Variants in ITPK1 observed in about 807,000 individuals in gnomAD.
ITPK1 encodes the protein inositol 1,3,4-trisphosphate 5/6-kinase.
A neutral mutation model predicts 45.3 loss-of-function variants in ITPK1; 21 were observed. The ratio of observed to expected loss-of-function variants is 0.46; its 90% CI spans 0.33 to 0.67. The LOEUF is 0.67. Among genes scored for constraint, ITPK1 ranks in the 30% least tolerant of loss-of-function variants. ITPK1 has a pLI of 0.02. For synonymous variants in ITPK1, 258 were observed against 253.6 expected (o/e 1.02, Z -0.16); for missense variants, 474 against 573.5 (o/e 0.83, Z 1.77).
At chr14:93,068,517 T>C (rs1456577670) in intron 3 of ITPK1, 1 of 152,256 alleles carries the variant, frequency 6.6e-6, no homozygotes, top group Non-Finnish European at 1.5e-5. Flanking sequence ...CGATTGTTAT[T>C]CCCAAAGCCC....
intron 5 of ITPK1, among the ~76,000 whole-genome samples, chr14:92,974,646 A>G (rs1279227852): frequency 6.6e-6 from 1 of 152,224 alleles, no homozygotes; most frequent in African/African-American, 2.4e-5. Flanking sequence ...CATCGGGCGT[A>G]AGGACACAGT....
In ITPK1 at chr14:93,016,186, A is replaced by T. The variant is rs1292815426; in HGVS notation, c.246+490T>A. 6.6e-6 allele frequency among the ~76,000 whole-genome samples: 1 copy of T among 151,932 alleles called. No individual in the cohort carries two copies. Among genetic ancestry groups the T allele is most frequent in the Non-Finnish European group, 1.5e-5 (1 of 67,978 alleles). On this transcript the variant is annotated intron_variant, in intron 4 of 10. Transcript: ENST00000267615. This position sits in a 1 kb window ranked among gnomAD's most constrained non-coding sequence, Gnocchi z 5.0. The stretch of plus-strand genomic sequence containing the variant: ...GTGGGGAGAGGGAAGCAGCCAAGGG[A>T]CTCAGCAAGATACCTCAGGCCATGC...
At chr14:93,088,786 C>G (rs1467750761) in intron 2 of ITPK1, among the ~76,000 whole-genome samples, 2 of 152,122 alleles carry the variant, frequency 1.3e-5, no homozygotes, top group Non-Finnish European at 2.9e-5. Context: ...TGTGAGCCAC[C>G]GCGCCTGGCC....
chr14:92,977,823 G>A (rs1401135169), intron 5 of ITPK1, among the ~76,000 whole-genome samples: 1 of 151,870 alleles, frequency 6.6e-6, no homozygotes, highest in Non-Finnish European at 1.5e-5. Context: ...AAATTACCCA[G>A]TCACAGGTAG....
intron 10 of ITPK1, among the ~76,000 whole-genome samples, chr14:92,943,356 G>A (rs1887526902): frequency 6.6e-6 from 1 of 152,238 alleles, no homozygotes; most frequent in South Asian, 2.1e-4. Flanking sequence ...TGAGGACCCT[G>A]AGGCTCAAGG....
Position 92,938,488 on chromosome 14 carries a change from C to T in ITPK1, c.*3073G>A, listed in dbSNP as rs375961844. 1.2e-4 allele frequency: 191 copies of T among 1,612,610 alleles called. No homozygotes were observed. Among genetic ancestry groups the T allele is most frequent in the Non-Finnish European group, 1.6e-4 (186 of 1,178,700 alleles). On this transcript the variant is annotated 3_prime_UTR_variant, in exon 11 of 11. Coordinates refer to ENST00000267615, the MANE Select transcript of ITPK1 (RefSeq NM_014216.6). ...ACATGTGACAGCTTCCTACTTCAGTCGGTCTTCCAGCCTTCTATAAAGCAC... is the reference window on the plus strand; with the variant it reads ...ACATGTGACAGCTTCCTACTTCAGTTGGTCTTCCAGCCTTCTATAAAGCAC...
intron 2 of ITPK1, among the ~76,000 whole-genome samples, chr14:93,114,069 T>TA (rs1892847088): frequency 6.6e-6 from 1 of 152,200 alleles, no homozygotes. Context: ...AAAATGCAAG[T>TA]AGAGCCCATT....
In ITPK1 at chr14:92,941,799, A is replaced by G. The variant is rs771865018; in HGVS notation, c.1007T>C (p.Leu336Pro). 10 of 1,611,142 alleles carry G rather than the reference A, an allele frequency of 6.2e-6. No homozygotes were observed. Among genetic ancestry groups the G allele is most frequent in the East Asian group, 4.5e-5 (2 of 44,864 alleles). The change falls in exon 11 of 11, where the codon CTG becomes CCG. Residue 336 changes from leucine to proline, a missense_variant. Physicochemically the swap from Leu to Pro is moderately conservative, Grantham distance 98. This residue lies in a region of ITPK1 where 367 missense variants were observed against 480.6 expected (regional missense o/e 0.76). Coordinates refer to ENST00000267615, the MANE Select transcript of ITPK1 (RefSeq NM_014216.6). Reference sequence around the variant, plus strand: ...CTCGGCCAGAAGCTTGCTGTGCCTCAGCAGGGCCACGTCCCCTGTGGCTGC... The same window carrying G: ...CTCGGCCAGAAGCTTGCTGTGCCTCGGCAGGGCCACGTCCCCTGTGGCTGC... ...AMAATGDVAL[L>P]RHSKLLAEPA...
At chr14:92,960,112 C>T (rs1290901659) in intron 7 of ITPK1, among the ~76,000 whole-genome samples, 1 of 152,228 alleles carries the variant, frequency 6.6e-6, no homozygotes, top group African/African-American at 2.4e-5. Flanking sequence ...ACAGAGAGTC[C>T]GCTGGGGTCT....
intron 2 of ITPK1, among the ~76,000 whole-genome samples, chr14:93,103,980 G>A (rs1336013273): frequency 6.6e-6 from 1 of 152,218 alleles, no homozygotes; most frequent in Non-Finnish European, 1.5e-5. Flanking sequence ...AGAGGCCCCA[G>A]GCCCTGCCTT....
chr14:93,018,067 C>T (rs1304570538), intron 3 of ITPK1, among the ~76,000 whole-genome samples: 1 of 152,170 alleles, frequency 6.6e-6, no homozygotes, highest in Non-Finnish European at 1.5e-5. Context: ...CTGCTCTGTG[C>T]CCTAGGCAGC....
At chr14:93,042,479 C>G (rs1256028539) in intron 3 of ITPK1, among the ~76,000 whole-genome samples, 1 of 152,190 alleles carries the variant, frequency 6.6e-6, no homozygotes, top group Admixed American at 6.5e-5. Flanking sequence ...AGGCTGCGAT[C>G]TCTCTAGTTT....
chr14:92,967,553 C>T (rs1469757026), intron 5 of ITPK1, among the ~76,000 whole-genome samples: 2 of 152,156 alleles, frequency 1.3e-5, no homozygotes, highest in Admixed American at 6.5e-5. Context: ...CCAGCAATTC[C>T]ACTTCTTATA....
chr14:93,098,603 A>G (rs1236009761), intron 2 of ITPK1, among the ~76,000 whole-genome samples: 2 of 152,126 alleles, frequency 1.3e-5, no homozygotes, highest in Non-Finnish European at 2.9e-5. Context: ...ATGGGTCCCA[A>G]ACTCATTTCC....
At chr14:93,022,973 T>C (rs1888546820) in intron 3 of ITPK1, among the ~76,000 whole-genome samples, 1 of 152,248 alleles carries the variant, frequency 6.6e-6, no homozygotes, top group Non-Finnish European at 1.5e-5. Flanking sequence ...AAAAGGCTGA[T>C]AAGAAAACCC....
At chr14:93,035,877 G>A (rs79136696) in intron 3 of ITPK1, among the ~76,000 whole-genome samples, 2,897 of 152,344 alleles carry the variant, frequency 0.019, 72 homozygotes, top group Admixed American at 0.081. Flanking sequence ...GCTGGGCCCA[G>A]GGCCTAGCCA....
chr14:92,946,527 C>T, intron 9 of ITPK1, 34 bp from the exon 10 acceptor site: 3 of 1,605,064 alleles, frequency 1.9e-6, no homozygotes, highest in Non-Finnish European at 1.7e-6. Context: ...AGGCCATGGG[C>T]CGAGGAGCTG....
chr14:93,021,307 T>C (rs10144329), intron 3 of ITPK1, among the ~76,000 whole-genome samples: 60,320 of 151,778 alleles, frequency 0.4, 12,064 homozygotes, highest in Non-Finnish European at 0.42. Flanking sequence ...CAGAAGGATG[T>C]TGGGGCCGGA....
At chr14:93,033,456 G>A (rs1023731797) in intron 3 of ITPK1, among the ~76,000 whole-genome samples, 20 of 152,154 alleles carry the variant, frequency 1.3e-4, no homozygotes, top group Non-Finnish European at 4.4e-5. Flanking sequence ...ACCTCCTCTG[G>A]GCCAGCCCTG....
Sources: gnomAD v4.1 joint callset for allele counts (sites outside exome capture counted in the v4.1 genomes callset) on GRCh38, gnomAD v4.1.1 for gene constraint, gnomAD v4.1.1 regional missense constraint, Gnocchi (gnomAD v3.1) non-coding constraint, MANE v1.5 for transcripts, NCBI Gene and HGNC (gene_info 2026-07-23, HGNC 2026-07-21) for gene names.